The following NUGGC variants were observed in gnomAD, a reference collection of about 807,000 sequenced individuals.
NUGGC encodes the protein nuclear GTPase SLIP-GC.
In NUGGC, 58 loss-of-function variants were observed where a neutral mutation model predicts 92.6. The ratio of observed to expected loss-of-function variants is 0.63; its 90% CI spans 0.51 to 0.78. The LOEUF (loss-of-function observed/expected upper bound fraction) is 0.78, where lower values mean the gene tolerates loss of function less well. Ranked by LOEUF, NUGGC falls within the 30% of genes least tolerant of loss-of-function variation. The probability of loss-of-function intolerance (pLI) is 0.00; values close to 1 mark genes in which losing one functional copy is unlikely to be tolerated. For missense variants in NUGGC, 925 were observed against 964.6 expected (o/e 0.96, Z 0.54); for synonymous variants, 376 against 366.4 (o/e 1.03, Z -0.30).
At position 28,064,716 on chromosome 8, in the gene NUGGC, T is replaced by G. The variant is rs1340436137; in HGVS notation, c.727A>C (p.Ile243Leu). The part of the protein sequence containing the change: ...LKAEEAEELS[I>L]KLDPYIRTQR... ...GTGCGGATGTAGGGGTCCAGCTTGA[T>G]GGACAGCTCTTCTGCCTGAAGAAGG... The change falls in exon 7 of 19, where the codon ATC becomes CTC. Residue 243 changes from isoleucine (I) to leucine (L), a missense_variant. Physicochemically the swap from Ile to Leu is conservative, Grantham distance 5. Coordinates refer to ENST00000413272, the MANE Select transcript of NUGGC (RefSeq NM_001010906.2). The G allele has an allele frequency of 2.5e-6, 4 of 1,613,856 alleles. No homozygotes were observed. Among genetic ancestry groups the G allele is most frequent in the Non-Finnish European group, 3.4e-6 (4 of 1,179,880 alleles).
At chr8:28,032,419 G>A (rs1461104018) in intron 14 of NUGGC, among the ~76,000 whole-genome samples, 1 of 152,090 alleles carries the variant, frequency 6.6e-6, no homozygotes, top group Admixed American at 6.6e-5. Flanking sequence ...TGCTGATGGA[G>A]TAAAGAATTA....
chr8:28,024,543 T>C (rs2130050289), intron 18 of NUGGC, among the ~76,000 whole-genome samples: 1 of 152,306 alleles, frequency 6.6e-6, no homozygotes, highest in East Asian at 1.9e-4. Context: ...CCACACATCC[T>C]ACTGGTTCTG....
chr8:28,068,252 C>T lies in NUGGC; in HGVS notation c.444G>A (p.Val148=), dbSNP rs200599348. The stretch of plus-strand genomic sequence containing the variant: ...GAAGGTGGATTTTGGCCTCATACTG[C>T]ACACAGCAGCCAGAGCTCACTTGTA... The part of the protein sequence containing the change: ...CIVQVSSGCC[V]QYEAKIHLLS... Residue 148 remains valine, a synonymous_variant, in exon 5 of 19, where the codon GTG becomes GTA. Coordinates refer to ENST00000413272, the MANE Select transcript of NUGGC (RefSeq NM_001010906.2). 1 of 1,550,498 alleles carries T rather than the reference C, an allele frequency of 6.4e-7. No individual in the cohort carries two copies. Among genetic ancestry groups the T allele is most frequent in the Middle Eastern group, 2.1e-4 (1 of 4,662 alleles).
rs533915470 is a variant in NUGGC at position 28,022,374 on chromosome 8, G to A, written c.*943C>T. ...GGGGTTTCACTGTGTTAGCCAGGATGGTCTCAATCTCCTGACCTCATGATC... is the reference window on the plus strand; with the variant it reads ...GGGGTTTCACTGTGTTAGCCAGGATAGTCTCAATCTCCTGACCTCATGATC... On this transcript the variant is annotated 3_prime_UTR_variant, in exon 19 of 19. Coordinates refer to ENST00000413272, the MANE Select transcript of NUGGC (RefSeq NM_001010906.2). The A allele has an allele frequency of 6.6e-5, 10 of 151,402 alleles. No homozygotes were observed. In the East Asian group the frequency reaches 1.9e-3, roughly 29 times the overall value. The allele number at this position is 151,402 out of a possible 1,614,324, so 9.4% of individuals were successfully genotyped here. A position where few individuals can be genotyped will look rare whatever the true frequency, so the allele number is the denominator to read the frequency against.
intron 14 of NUGGC, 122 bp downstream of exon 14, chr8:28,033,418 G>C (rs1379655768): frequency 1.0e-6 from 1 of 968,072 alleles, no homozygotes; most frequent in South Asian, 1.8e-5. Context: ...AAGGACTAAG[G>C]TTTCCTTCTC....
At chr8:28,050,523 T>C (rs1443709501) in intron 10 of NUGGC, among the ~76,000 whole-genome samples, 1 of 151,716 alleles carries the variant, frequency 6.6e-6, no homozygotes, top group African/African-American at 2.4e-5. Flanking sequence ...ATATCAATCA[T>C]GACCCAGCTG....
At chr8:28,033,729 G>A (rs1809482940) in intron 13 of NUGGC, 32 bp from the exon 14 acceptor site, 2 of 1,598,690 alleles carry the variant, frequency 1.3e-6, no homozygotes, top group Non-Finnish European at 1.7e-6. Flanking sequence ...AGCAGAGTTA[G>A]GCATTAACTG....
intron 7 of NUGGC, among the ~76,000 whole-genome samples, chr8:28,063,115 A>G (rs1044754283): frequency 6.6e-6 from 1 of 152,172 alleles, no homozygotes; most frequent in African/African-American, 2.4e-5. Context: ...GGAAGGCAAG[A>G]CTGGCAGCCT....
At chr8:28,059,982 T>A (rs1444887356) in intron 8 of NUGGC, among the ~76,000 whole-genome samples, 1 of 151,724 alleles carries the variant, frequency 6.6e-6, no homozygotes, top group Non-Finnish European at 1.5e-5. Flanking sequence ...GATCGTGCCA[T>A]TGCACTCCAG....
At chr8:28,052,738 C>G (rs767635640) in intron 10 of NUGGC, among the ~76,000 whole-genome samples, 27 of 152,244 alleles carry the variant, frequency 1.8e-4, no homozygotes, top group Non-Finnish European at 3.7e-4. Context: ...ATACACTGCA[C>G]ATGGGTGAAC....
At chr8:28,042,528 A>G (rs1207919839) in intron 12 of NUGGC, among the ~76,000 whole-genome samples, 1 of 152,124 alleles carries the variant, frequency 6.6e-6, no homozygotes, top group Non-Finnish European at 1.5e-5. Flanking sequence ...GGTCCTTCCC[A>G]TGAGGCACCT....
chr8:28,073,278 C>A (rs1377600217), intron 2 of NUGGC, among the ~76,000 whole-genome samples: 1 of 150,660 alleles, frequency 6.6e-6, no homozygotes, highest in Non-Finnish European at 1.5e-5. Flanking sequence ...CTCCCAAAGT[C>A]CTGGGATTAC....
rs1810092432 is a variant in NUGGC, at chr8:28,054,841, A to G, written c.1206+1124T>C. Among the ~76,000 whole-genome samples, 3 of 152,034 alleles carry G rather than the reference A, an allele frequency of 2.0e-5. No individual in the cohort carries two copies. In the South Asian group the frequency reaches 6.2e-4, roughly 32 times the overall value. On this transcript the variant is annotated intron_variant, in intron 10 of 18. Coordinates refer to ENST00000413272, the MANE Select transcript of NUGGC (RefSeq NM_001010906.2). ...GGCAGGAGGATCACTTCAGCCCAAG[A>G]GTTTGAGACCAGCCTGGGCAACATA...
At chr8:28,046,436 C>T (rs1252974939) in intron 11 of NUGGC, among the ~76,000 whole-genome samples, 1 of 152,132 alleles carries the variant, frequency 6.6e-6, no homozygotes, top group Non-Finnish European at 1.5e-5. Flanking sequence ...GTATCTAGCG[C>T]ACGCAGAGCT....
At chr8:28,064,768 G>T in intron 6 of NUGGC, 37 bp from the exon 7 acceptor site, 1 of 1,571,032 alleles carries the variant, frequency 6.4e-7, no homozygotes, top group Non-Finnish European at 8.8e-7. Flanking sequence ...CACCAGCCAT[G>T]CACCCAGCTC....
At chr8:28,068,503 A>G in intron 4 of NUGGC, 65 bp from the exon 5 acceptor site, 2 of 1,123,912 alleles carry the variant, frequency 1.8e-6, no homozygotes, top group Non-Finnish European at 2.6e-6. Context: ...GCATTGAAAC[A>G]GAATGCAAAG....
intron 2 of NUGGC, 141 bp from the exon 3 acceptor site, chr8:28,070,497 G>A (rs1236588371): frequency 3.6e-6 from 2 of 560,172 alleles, no homozygotes; most frequent in Non-Finnish European, 6.3e-6. Flanking sequence ...AAGCATGAGG[G>A]ATTACATGCC....
At chr8:28,024,359 C>T (rs1217090247) in intron 18 of NUGGC, among the ~76,000 whole-genome samples, 1 of 152,010 alleles carries the variant, frequency 6.6e-6, no homozygotes, top group Non-Finnish European at 1.5e-5. Context: ...CTTGGTTGGG[C>T]CTTTGTCTGC....
intron 13 of NUGGC, among the ~76,000 whole-genome samples, chr8:28,035,814 T>C (rs1373222420): frequency 1.3e-5 from 2 of 152,176 alleles, no homozygotes; most frequent in Non-Finnish European, 1.5e-5. Context: ...ATCCAATGGC[T>C]CTGGTTTGCT....
Sources: gnomAD v4.1 joint callset for allele counts (sites outside exome capture counted in the v4.1 genomes callset) on GRCh38, gnomAD v4.1.1 for gene constraint, MANE v1.5 for transcripts, NCBI Gene and HGNC (gene_info 2026-07-23, HGNC 2026-07-21) for gene names.